DARS1: variants seen among roughly 807,000 people sequenced by gnomAD.
The protein encoded by DARS1 is aspartate--tRNA ligase, cytoplasmic.
DARS1 carries 51 observed loss-of-function variants against 68.8 expected under a neutral mutation model. The ratio of observed to expected loss-of-function variants is 0.74; its 90% CI spans 0.59 to 0.94. DARS1 has a LOEUF of 0.94. DARS1 is among the 40% of genes least tolerant of loss of function. The pLI, the probability that DARS1 is intolerant of heterozygous loss-of-function variation, is 0.00. For synonymous variants in DARS1, 203 were observed against 190.4 expected (o/e 1.07, Z -0.55); for missense variants, 607 against 597.3 (o/e 1.02, Z -0.17).
At chr2:135,973,434 G>A (rs1411714948) in intron 3 of DARS1, among the ~76,000 whole-genome samples, 1 of 151,844 alleles carries the variant, frequency 6.6e-6, no homozygotes, top group Non-Finnish European at 1.5e-5. Flanking sequence ...AAGGGTAATA[G>A]GGGTTGAAGG....
intron 15 of DARS1, among the ~76,000 whole-genome samples, chr2:135,909,006 C>A (rs958754315): frequency 1.3e-5 from 2 of 152,094 alleles, no homozygotes; most frequent in African/African-American, 4.8e-5. Context: ...AGCTGGAAGC[C>A]ATTATCCTCA....
chr2:135,958,788 A>G (rs1682034173), intron 4 of DARS1, among the ~76,000 whole-genome samples: 1 of 152,196 alleles, frequency 6.6e-6, no homozygotes, highest in South Asian at 2.1e-4. Flanking sequence ...GCTAGTGCCA[A>G]AAGTTTAATA....
intron 3 of DARS1, among the ~76,000 whole-genome samples, chr2:135,972,352 G>A (rs781225707): frequency 3.9e-5 from 6 of 152,202 alleles, no homozygotes; most frequent in South Asian, 2.1e-4. Context: ...TTCAATAAAC[G>A]GTGCTGGGAA....
intron 4 of DARS1, among the ~76,000 whole-genome samples, chr2:135,956,556 C>T (rs1681981670): frequency 6.6e-6 from 1 of 152,014 alleles, no homozygotes; most frequent in African/African-American, 2.4e-5. Context: ...ACAATGCAGG[C>T]ATAAACATGA....
Position 135,920,433 on chromosome 2 carries a change from G to C in DARS1, c.959+20C>G, listed in dbSNP as rs755075285. 2.9e-5 allele frequency: 46 copies of C among 1,602,158 alleles called. No homozygotes were observed. Among genetic ancestry groups the C allele is most frequent in the Non-Finnish European group, 3.7e-5 (43 of 1,174,942 alleles). ...AACATTTGAAATTAAGTCCATCTAG[G>C]TGCATAAAATACTTTTTACCTTTCT... On this transcript the variant is annotated intron_variant, in intron 10 of 15. Coordinates refer to ENST00000264161, the MANE Select transcript of DARS1 (RefSeq NM_001349.4).
intron 4 of DARS1, among the ~76,000 whole-genome samples, chr2:135,960,665 T>A (rs531306366): frequency 1.3e-5 from 2 of 152,256 alleles, no homozygotes; most frequent in South Asian, 2.1e-4. Context: ...ATCATTATCA[T>A]GGAAATAAAA....
chr2:135,932,507 A>C (rs182594153), intron 7 of DARS1, among the ~76,000 whole-genome samples: 2 of 152,238 alleles, frequency 1.3e-5, no homozygotes, highest in African/African-American at 4.8e-5. Flanking sequence ...TCTAAAAAAG[A>C]TATCACCTGG....
intron 4 of DARS1, among the ~76,000 whole-genome samples, chr2:135,948,037 T>TC (rs1681765749): frequency 6.6e-6 from 1 of 152,246 alleles, no homozygotes; most frequent in African/African-American, 2.4e-5. Context: ...CCAGGAGAAT[T>TC]AATCCCACAA....
Position 135,970,922 on chromosome 2 carries a change from C to T in DARS1, c.217+8352G>A, listed in dbSNP as rs543099363. The stretch of plus-strand genomic sequence containing the variant: ...TGAAGAAATCCAAAATCTGAGCAGA[C>T]CAGTAACAAACAACAAGATTAAAGC... On this transcript the variant is annotated intron_variant, in intron 3 of 15. Transcript: ENST00000264161. Among the ~76,000 whole-genome samples the T allele has an allele frequency of 3.9e-5, 6 of 152,200 alleles. No individual in the cohort carries two copies. In the South Asian group the frequency reaches 1.0e-3, roughly 26 times the overall value.
At chr2:135,938,001 G>A (rs969476345) in intron 5 of DARS1, among the ~76,000 whole-genome samples, 4 of 152,090 alleles carry the variant, frequency 2.6e-5, no homozygotes, top group Non-Finnish European at 2.9e-5. Context: ...TCTTTGTGGC[G>A]TTCTCTGTAT....
intron 8 of DARS1, 37 bp from the exon 9 acceptor site, chr2:135,922,955 C>T (rs1681136873): frequency 1.4e-6 from 2 of 1,428,614 alleles, no homozygotes; most frequent in Non-Finnish European, 1.8e-6. Context: ...TTATTATAAT[C>T]AATTGTAAAC....
chr2:135,985,548 T>C lies in DARS1; in HGVS notation c.-80A>G, dbSNP rs1575412401. Reference sequence around the variant, plus strand: ...CAGGCCAAAGGGGCTTCTCCCTCCCTCCCAGTCTCCGCCCTCCCGACCCTG... The same window carrying C: ...CAGGCCAAAGGGGCTTCTCCCTCCCCCCCAGTCTCCGCCCTCCCGACCCTG... On this transcript the variant is annotated 5_prime_UTR_variant, in exon 1 of 16. Transcript: ENST00000264161. 2 of 1,605,176 alleles carry C rather than the reference T, an allele frequency of 1.2e-6. No individual in the cohort carries two copies. Among genetic ancestry groups the C allele is most frequent in the South Asian group, 1.1e-5 (1 of 89,556 alleles).
intron 5 of DARS1, among the ~76,000 whole-genome samples, chr2:135,941,328 A>G (rs1305971814): frequency 6.6e-6 from 1 of 152,250 alleles, no homozygotes; most frequent in Non-Finnish European, 1.5e-5. Flanking sequence ...TCAATGGAAC[A>G]GAACAGAGCC....
intron 7 of DARS1, among the ~76,000 whole-genome samples, chr2:135,926,876 G>A (rs1395302115): frequency 6.6e-6 from 1 of 152,138 alleles, no homozygotes; most frequent in South Asian, 2.1e-4. Flanking sequence ...ATTTAGCAGA[G>A]GAAGAGTACT....
rs1558773254 is a variant in DARS1, at chr2:135,906,331, GA to G, written c.*984del. Among the ~76,000 whole-genome samples, 3 of 152,060 alleles carry G rather than the reference GA, an allele frequency of 2.0e-5. No homozygotes were observed. The highest frequency in any genetic ancestry group is 4.4e-5 in the Non-Finnish European group (3 of 68,012). On this transcript the variant is annotated 3_prime_UTR_variant, in exon 16 of 16. Transcript: ENST00000264161. ...ATCAACATTTGTAATAATCTAGAGGGAAAGTGTTTCTAACTAATTCTTACAC... is the reference window on the plus strand; with the variant it reads ...ATCAACATTTGTAATAATCTAGAGGGAAGTGTTTCTAACTAATTCTTACAC...
intron 12 of DARS1, among the ~76,000 whole-genome samples, 156 bp downstream of exon 12, chr2:135,914,313 T>C (rs1281625626): frequency 6.6e-6 from 1 of 152,240 alleles, no homozygotes; most frequent in Middle Eastern, 3.2e-3. Flanking sequence ...TTCTCAATTT[T>C]CTAAGAAAAA....
At chr2:135,970,473 A>G (rs147579346) in intron 3 of DARS1, among the ~76,000 whole-genome samples, 1 of 152,164 alleles carries the variant, frequency 6.6e-6, no homozygotes, top group East Asian at 1.9e-4. Flanking sequence ...AACATATGGG[A>G]TACAGTGAAA....
intron 7 of DARS1, 25 bp from the exon 8 acceptor site, chr2:135,924,523 T>C (rs752904156): frequency 8.2e-6 from 13 of 1,590,626 alleles, no homozygotes; most frequent in South Asian, 1.2e-5. Flanking sequence ...TAAAATCTAA[T>C]TAAATCAACG....
Position 135,916,377 on chromosome 2 carries a change from T to C in DARS1, c.960-5A>G, listed in dbSNP as rs750701847. On this transcript the variant is annotated splice_region_variant and splice_polypyrimidine_tract_variant and intron_variant, in intron 10 of 15. Transcript: ENST00000264161. ...GTTTGAATTTCAGTCTGAAACCTAT[T>C]TGCAGAATGATTTAGTTAATAAAAT... 1 of 1,494,244 alleles carries C rather than the reference T, an allele frequency of 6.7e-7. No homozygotes were observed. The highest frequency in any genetic ancestry group is 9.3e-7 in the Non-Finnish European group (1 of 1,072,456). The allele number at this position is 1,494,244 out of a possible 1,614,324, so 92.6% of individuals were successfully genotyped here. A position where few individuals can be genotyped will look rare whatever the true frequency, so the allele number is the denominator to read the frequency against.
Sources: allele counts gnomAD v4.1 joint callset (sites outside exome capture counted in the v4.1 genomes callset), GRCh38; gene constraint gnomAD v4.1.1; transcripts MANE v1.5; gene names NCBI Gene and HGNC (gene_info 2026-07-23, HGNC 2026-07-21).